Variants in CES5A observed in about 807,000 individuals in gnomAD.
CES5A encodes the protein carboxylesterase 5.
Under a neutral mutation model 62.9 loss-of-function variants are expected in CES5A, and 67 were observed. The observed-to-expected ratio is 1.07, with a 90% confidence interval of 0.88 to 1.31. The LOEUF (loss-of-function observed/expected upper bound fraction) is 1.31. Among genes scored for constraint, CES5A ranks in the 50% most tolerant of loss-of-function variants. CES5A has a pLI of 0.00. For synonymous variants in CES5A, 296 were observed against 280.8 expected (o/e 1.05, Z -0.54); for missense variants, 748 against 708.5 (o/e 1.06, Z -0.63).
intron 2 of CES5A, chr16:55,944,453 AG>A (rs2034473950): frequency 5.2e-6 from 1 of 193,896 alleles, no homozygotes; most frequent in Non-Finnish European, 1.1e-5. Context: ...ATCCCTGTGC[AG>A]TGCCACTCAG....
intron 1 of CES5A, among the ~76,000 whole-genome samples, chr16:55,892,000 T>C (rs1423787343): frequency 6.6e-6 from 1 of 152,176 alleles, no homozygotes. Context: ...AGCTAGATTT[T>C]TTTCTTCCAG....
intron 1 of CES5A, among the ~76,000 whole-genome samples, chr16:55,908,920 C>A (rs1460238281): frequency 6.6e-6 from 1 of 152,158 alleles, no homozygotes; most frequent in Non-Finnish European, 1.5e-5. Context: ...AGGGCTGAAC[C>A]CTTCTTCCTC....
chr16:55,874,432 C>A (rs1317318213), intron 1 of CES5A, among the ~76,000 whole-genome samples: 2 of 152,120 alleles, frequency 1.3e-5, no homozygotes, highest in Non-Finnish European at 2.9e-5. Flanking sequence ...CACCCTCCAG[C>A]ACCACTGCTG....
chr16:55,903,589 A>G (rs1163767105), intron 1 of CES5A, among the ~76,000 whole-genome samples: 1 of 152,232 alleles, frequency 6.6e-6, no homozygotes, highest in Non-Finnish European at 1.5e-5. Context: ...TGGCAGTCCA[A>G]CTGCTTAGTA....
At chr16:55,937,019 G>A (rs2034384053) in intron 2 of CES5A, among the ~76,000 whole-genome samples, 1 of 152,172 alleles carries the variant, frequency 6.6e-6, no homozygotes, top group African/African-American at 2.4e-5. Context: ...CAAGAGACCA[G>A]GCAGATACAT....
intron 2 of CES5A, among the ~76,000 whole-genome samples, chr16:55,946,265 C>A (rs2034493836): frequency 6.6e-6 from 1 of 152,016 alleles, no homozygotes; most frequent in South Asian, 2.1e-4. Flanking sequence ...GCCCTGCTGC[C>A]CCAGTCTGAT....
chr16:55,914,087 A>G (rs1159820456), intron 1 of CES5A, among the ~76,000 whole-genome samples: 2 of 152,204 alleles, frequency 1.3e-5, no homozygotes, highest in Non-Finnish European at 2.9e-5. Context: ...AATTTCTAGT[A>G]AATTACAATA....
At chr16:55,857,652 G>A (rs1392415576) in intron 8 of CES5A, among the ~76,000 whole-genome samples, 1 of 152,164 alleles carries the variant, frequency 6.6e-6, no homozygotes, top group African/African-American at 2.4e-5. Flanking sequence ...AGCTAGCAAG[G>A]GGTTTAACTG....
At chr16:55,853,050 A>AATCCCAGCACTTTG in intron 9 of CES5A, 22 bp from the exon 10 acceptor site, 1 of 1,612,938 alleles carries the variant, frequency 6.2e-7, no homozygotes, top group Non-Finnish European at 8.5e-7. Flanking sequence ...TCGTAGTCCT[A>AATCCCAGCACTTTG]GGAGATCCAG....
At chr16:55,914,774 T>C (rs2034129302) in intron 1 of CES5A, among the ~76,000 whole-genome samples, 1 of 152,166 alleles carries the variant, frequency 6.6e-6, no homozygotes, top group Non-Finnish European at 1.5e-5. Flanking sequence ...GATCCTGGCC[T>C]GGATCCTGGA....
At chr16:55,886,104 G>T (rs564274235) in intron 1 of CES5A, among the ~76,000 whole-genome samples, 1 of 152,292 alleles carries the variant, frequency 6.6e-6, no homozygotes, top group Admixed American at 6.5e-5. Context: ...ACTGCCCTAA[G>T]AAGATGAGCT....
Position 55,849,723 on chromosome 16 carries a change from A to G in CES5A, c.1324T>C (p.Phe442Leu). 1 of 1,614,006 alleles carries G rather than the reference A, an allele frequency of 6.2e-7. No homozygotes were observed. The highest frequency in any genetic ancestry group is 8.5e-7 in the Non-Finnish European group (1 of 1,179,874). ...FYEFRHRPQC[F>L]EDTKPAFVKA... The stretch of plus-strand genomic sequence containing the variant: ...ACAAAAGCTGGCTTCGTGTCTTCAA[A>G]GCACTGAGGCCGGTGCCGAAACTCA... Residue 442 changes from phenylalanine (F) to leucine (L), a missense_variant, in exon 11 of 13, where the codon TTT (phenylalanine) becomes CTT (leucine). Physicochemically the swap from Phe to Leu is conservative, Grantham distance 22. Coordinates refer to ENST00000290567, the MANE Select transcript of CES5A (RefSeq NM_001143685.2).
intron 9 of CES5A, among the ~76,000 whole-genome samples, chr16:55,855,309 G>T (rs1206921176): frequency 1.3e-5 from 2 of 152,182 alleles, no homozygotes; most frequent in African/African-American, 4.8e-5. Context: ...TGGAAAAAGA[G>T]GAAGATGGAA....
intron 1 of CES5A, among the ~76,000 whole-genome samples, chr16:55,911,112 G>T (rs1279774650): frequency 6.6e-6 from 1 of 152,106 alleles, no homozygotes; most frequent in East Asian, 1.9e-4. Flanking sequence ...TCTTTTTAGT[G>T]CATGAACTGT....
At chr16:55,943,319 G>A (rs1344307611) in intron 2 of CES5A, among the ~76,000 whole-genome samples, 4 of 152,292 alleles carry the variant, frequency 2.6e-5, no homozygotes, top group African/African-American at 9.6e-5. Context: ...AGTAAACTGC[G>A]AGAGATCAGA....
chr16:55,922,789 G>T (rs1423080737), intron 1 of CES5A, among the ~76,000 whole-genome samples: 1 of 151,858 alleles, frequency 6.6e-6, no homozygotes, highest in Non-Finnish European at 1.5e-5. Flanking sequence ...TATATATCAG[G>T]TGATAAAACA....
chr16:55,901,107 T>C (rs1315483908), intron 1 of CES5A, among the ~76,000 whole-genome samples: 2 of 152,116 alleles, frequency 1.3e-5, no homozygotes, highest in African/African-American at 4.8e-5. Flanking sequence ...GGGAAGGCAA[T>C]TGAATCATGT....
At chr16:55,933,157 G>A (rs2034332011) in intron 2 of CES5A, among the ~76,000 whole-genome samples, 1 of 152,216 alleles carries the variant, frequency 6.6e-6, no homozygotes, top group East Asian at 1.9e-4. Flanking sequence ...AGATGAAGGA[G>A]GCACGTCATG....
At chr16:55,919,940 A>T (rs1471712945) in intron 1 of CES5A, among the ~76,000 whole-genome samples, 2 of 152,178 alleles carry the variant, frequency 1.3e-5, no homozygotes, top group Non-Finnish European at 2.9e-5. Context: ...CAGAAGAGAA[A>T]ACTGAGGTTC....
Sources: gnomAD v4.1 joint callset for allele counts (sites outside exome capture counted in the v4.1 genomes callset) on GRCh38, gnomAD v4.1.1 for gene constraint, MANE v1.5 for transcripts, NCBI Gene and HGNC (gene_info 2026-07-23, HGNC 2026-07-21) for gene names.